CNTNAP4: variants seen among roughly 807,000 people sequenced by gnomAD.
CNTNAP4 encodes contactin associated protein family member 4, also known as contactin-associated protein-like 4.
In CNTNAP4, 98 loss-of-function variants were observed where a neutral mutation model predicts 148.4. That is an observed-to-expected ratio of 0.66 (90% confidence interval 0.56 to 0.78). The LOEUF (loss-of-function observed/expected upper bound fraction) is 0.78, where lower values mean the gene tolerates loss of function less well. CNTNAP4 is among the 30% of genes least tolerant of loss of function. The probability of loss-of-function intolerance (pLI) is 0.00; values close to 1 mark genes in which losing one functional copy is unlikely to be tolerated. For synonymous variants in CNTNAP4, 730 were observed against 565.1 expected, an observed-to-expected ratio of 1.29 and a Z score of -4.14; for missense variants, 1,935 against 1,565.6, an observed-to-expected ratio of 1.24 and a Z score of -3.98.
intron 3 of CNTNAP4, among the ~76,000 whole-genome samples, chr16:76,415,287 T>G (rs1281736139): frequency 6.6e-6 from 1 of 151,260 alleles, no homozygotes. Context: ...AAAACATATT[T>G]AATATTGCAT....
At chr16:76,466,157 C>T (rs2081170361) in intron 9 of CNTNAP4, among the ~76,000 whole-genome samples, 1 of 151,996 alleles carries the variant, frequency 6.6e-6, no homozygotes, top group African/African-American at 2.4e-5. Context: ...TTTTTAGGTC[C>T]CACAAATAAA....
intron 4 of CNTNAP4, among the ~76,000 whole-genome samples, chr16:76,429,549 C>A (rs1266482372): frequency 6.6e-6 from 1 of 152,094 alleles, no homozygotes; most frequent in Non-Finnish European, 1.5e-5. Flanking sequence ...ATGCATTAAA[C>A]CTAGGATATA....
intron 1 of CNTNAP4, among the ~76,000 whole-genome samples, chr16:76,283,224 A>G (rs1480454759): frequency 6.6e-6 from 1 of 151,998 alleles, no homozygotes; most frequent in Non-Finnish European, 1.5e-5. Flanking sequence ...TATGTTTAAA[A>G]TTTAAAGCTA....
intron 21 of CNTNAP4, among the ~76,000 whole-genome samples, chr16:76,541,079 A>T (rs2084433226): frequency 6.6e-6 from 1 of 152,212 alleles, no homozygotes; most frequent in Non-Finnish European, 1.5e-5. Flanking sequence ...AAAAATATTA[A>T]ATAATTGAAA....
intron 3 of CNTNAP4, among the ~76,000 whole-genome samples, chr16:76,375,651 G>A (rs1383032199): frequency 6.6e-6 from 1 of 152,150 alleles, no homozygotes; most frequent in East Asian, 1.9e-4. Flanking sequence ...TGCATCAGAA[G>A]TGTAGTAAAT....
At chr16:76,362,884 G>A (rs372970658) in intron 3 of CNTNAP4, among the ~76,000 whole-genome samples, 2 of 152,070 alleles carry the variant, frequency 1.3e-5, no homozygotes, top group Non-Finnish European at 2.9e-5. Flanking sequence ...ACCTGCACAT[G>A]TATGCCTGAA....
chr16:76,474,656 T>C (rs1328868923), intron 10 of CNTNAP4, among the ~76,000 whole-genome samples: 1 of 152,164 alleles, frequency 6.6e-6, no homozygotes, highest in Non-Finnish European at 1.5e-5. Context: ...TTGATCTCAG[T>C]GTATCTTTCA....
chr16:76,497,275 G>A (rs192166602), intron 14 of CNTNAP4, among the ~76,000 whole-genome samples: 76 of 152,224 alleles, frequency 5.0e-4, no homozygotes, highest in South Asian at 3.7e-3. Flanking sequence ...GGGGAGCAGC[G>A]TTAAATGAAT....
At chr16:76,319,188 G>C (rs1407161285) in intron 2 of CNTNAP4, among the ~76,000 whole-genome samples, 7 of 152,114 alleles carry the variant, frequency 4.6e-5, no homozygotes, top group African/African-American at 1.7e-4. Context: ...TCAGGAGTTT[G>C]AGATCAGCCT....
At chr16:76,525,951 A>G (rs973570535) in intron 17 of CNTNAP4, among the ~76,000 whole-genome samples, 3 of 151,404 alleles carry the variant, frequency 2.0e-5, no homozygotes, top group Non-Finnish European at 4.4e-5. Context: ...ATATGGTTAT[A>G]TATCATCATA....
intron 3 of CNTNAP4, among the ~76,000 whole-genome samples, chr16:76,411,615 T>C (rs558936050): frequency 6.6e-6 from 1 of 151,068 alleles, no homozygotes; most frequent in East Asian, 1.9e-4. Context: ...CATAGTGTTC[T>C]TAATGATCTA....
chr16:76,388,255 G>A (rs1157503562), intron 3 of CNTNAP4, among the ~76,000 whole-genome samples: 2 of 152,208 alleles, frequency 1.3e-5, no homozygotes, highest in African/African-American at 4.8e-5. Flanking sequence ...CAGAAAGGCA[G>A]CAGCATCGTG....
At chr16:76,482,600 C>G (rs1185191937) in intron 12 of CNTNAP4, among the ~76,000 whole-genome samples, 1 of 152,118 alleles carries the variant, frequency 6.6e-6, no homozygotes, top group Non-Finnish European at 1.5e-5. Flanking sequence ...GCAGAAATTG[C>G]TATAAATTAG....
chr16:76,375,330 G>A (rs2015311923), intron 3 of CNTNAP4, among the ~76,000 whole-genome samples: 1 of 152,174 alleles, frequency 6.6e-6, no homozygotes, highest in Admixed American at 6.5e-5. Flanking sequence ...GCTGAGGCAA[G>A]AGAATCACTT....
At chr16:76,296,633 A>G (rs1597109611) in intron 1 of CNTNAP4, among the ~76,000 whole-genome samples, 2 of 152,170 alleles carry the variant, frequency 1.3e-5, no homozygotes, top group South Asian at 4.1e-4. Context: ...AAAATGGACG[A>G]AAGAGAGAGG....
chr16:76,475,450 C>T (rs1291982989), intron 10 of CNTNAP4, among the ~76,000 whole-genome samples: 1 of 152,062 alleles, frequency 6.6e-6, no homozygotes, highest in Non-Finnish European at 1.5e-5. Flanking sequence ...CTTAGAGCAC[C>T]CCAACACACT....
At chr16:76,375,494 T>G (rs936802538) in intron 3 of CNTNAP4, among the ~76,000 whole-genome samples, 2 of 152,206 alleles carry the variant, frequency 1.3e-5, no homozygotes, top group African/African-American at 2.4e-5. Context: ...GGCTTTGCAC[T>G]GGGGTCTTTT....
intron 3 of CNTNAP4, among the ~76,000 whole-genome samples, chr16:76,365,461 A>C (rs2013993369): frequency 6.6e-6 from 1 of 152,114 alleles, no homozygotes; most frequent in Admixed American, 6.6e-5. Context: ...ATATTTCTTA[A>C]AAACTCTGGC....
At chr16:76,378,100 G>A (rs1002102152) in intron 3 of CNTNAP4, among the ~76,000 whole-genome samples, 3 of 152,136 alleles carry the variant, frequency 2.0e-5, no homozygotes, top group Non-Finnish European at 2.9e-5. Flanking sequence ...AATATTAAGA[G>A]AGTTTCTTTT....
Sources: gnomAD v4.1 joint callset for allele counts (sites outside exome capture counted in the v4.1 genomes callset) on GRCh38, gnomAD v4.1.1 for gene constraint, MANE v1.5 for transcripts, NCBI Gene and HGNC (gene_info 2026-07-23, HGNC 2026-07-21) for gene names.